Variants in OPN3 observed in about 807,000 individuals in gnomAD.
The protein encoded by OPN3 is opsin 3.
Under a neutral mutation model 33.8 loss-of-function variants are expected in OPN3, and 29 were observed. The ratio of observed to expected loss-of-function variants is 0.86; its 90% confidence interval spans 0.64 to 1.17. OPN3 has a LOEUF of 1.17. Ranked by LOEUF, OPN3 falls within the 50% of genes most tolerant of loss-of-function variation. The pLI, the probability that OPN3 is intolerant of heterozygous loss-of-function variation, is 0.00. For synonymous variants in OPN3, 216 were observed against 216.1 expected (o/e 1.00, Z 0.00); for missense variants, 437 against 514.1 (o/e 0.85, Z 1.45).
At chr1:241,607,595 A>C (rs1663870126) in intron 1 of OPN3, among the ~76,000 whole-genome samples, 1 of 149,326 alleles carries the variant, frequency 6.7e-6, no homozygotes, top group Non-Finnish European at 1.5e-5. Context: ...AAAGAAAGGA[A>C]GAAAGAGAGA....
Position 241,634,283 on chromosome 1 carries a change from C to G in OPN3, c.373+5599G>C, listed in dbSNP as rs748735293. 4.0e-5 allele frequency: 64 copies of G among 1,613,766 alleles called. No homozygotes were observed. The highest frequency in any genetic ancestry group is 5.3e-5 in the Non-Finnish European group (63 of 1,179,906). Reference sequence around the variant, plus strand: ...CTTCATGCATGTCATGGTTGAAGAACATAATTCTGTGACCCGTACAGCACA... The same window carrying G: ...CTTCATGCATGTCATGGTTGAAGAAGATAATTCTGTGACCCGTACAGCACA... On this transcript the variant is annotated intron_variant, in intron 1 of 3. Transcript: ENST00000366554.
chr1:241,606,248 A>G (rs891338118), intron 1 of OPN3, among the ~76,000 whole-genome samples: 5 of 152,314 alleles, frequency 3.3e-5, no homozygotes, highest in Middle Eastern at 3.4e-3. Context: ...GTTAAAAGTA[A>G]CTTTGAGGTT....
intron 1 of OPN3, among the ~76,000 whole-genome samples, chr1:241,610,670 A>T (rs976186414): frequency 1.3e-5 from 2 of 152,254 alleles, no homozygotes; most frequent in African/African-American, 4.8e-5. Flanking sequence ...AGAAAAAAAG[A>T]TGAATTATAA....
intron 1 of OPN3, chr1:241,635,852 T>A: frequency 7.4e-7 from 1 of 1,352,250 alleles, no homozygotes; most frequent in East Asian, 2.3e-5. Context: ...CCTTCTGATG[T>A]TCCAGTTATC....
intron 1 of OPN3, among the ~76,000 whole-genome samples, chr1:241,607,828 AATAGCAAAT>A (rs1398569871): frequency 6.6e-6 from 1 of 152,150 alleles, no homozygotes; most frequent in Non-Finnish European, 1.5e-5. Context: ...GTAATGATAT[AATAGCAAAT>A]ATAGCAAATA....
At chr1:241,618,660 A>C (rs1573959938) in intron 1 of OPN3, among the ~76,000 whole-genome samples, 1 of 151,800 alleles carries the variant, frequency 6.6e-6, no homozygotes, top group Non-Finnish European at 1.5e-5. Context: ...GTCCGTGCTG[A>C]CCTCCATCGT....
rs568285810 is a variant in OPN3, at chr1:241,603,596, A to G, written c.693+664T>C. Among the ~76,000 whole-genome samples, 17 of 152,332 alleles carry G rather than the reference A, an allele frequency of 1.1e-4. No homozygotes were observed. In the South Asian group the frequency reaches 3.5e-3, roughly 32 times the overall value. ...TATGTAAAGAATGTAGAAACAAATG[A>G]TTTAAAGTGATGCATGTAGCTAAGT... On this transcript the variant is annotated intron_variant, in intron 2 of 3. Transcript: ENST00000366554.
chr1:241,605,052 T>C (rs1010614891), intron 1 of OPN3, among the ~76,000 whole-genome samples: 6 of 75,902 alleles, frequency 7.9e-5, no homozygotes, highest in African/African-American at 3.8e-4. Flanking sequence ...CCAGACCTTA[T>C]CTCAAAAAAA....
intron 1 of OPN3, among the ~76,000 whole-genome samples, chr1:241,605,966 C>G (rs182476241): frequency 6.6e-6 from 1 of 152,262 alleles, no homozygotes; most frequent in African/African-American, 2.4e-5. Flanking sequence ...ACTCTCTTGT[C>G]CTTTTACATC....
intron 1 of OPN3, chr1:241,631,802 G>A (rs990577336): frequency 5.9e-5 from 9 of 152,118 alleles, no homozygotes; most frequent in Admixed American, 4.6e-4. Context: ...TGCAGGACCA[G>A]TGTGTGCTTT....
intron 1 of OPN3, chr1:241,635,786 T>G: frequency 1.3e-6 from 2 of 1,592,130 alleles, no homozygotes; most frequent in Non-Finnish European, 1.7e-6. Flanking sequence ...TAACAGCGTC[T>G]GGTGACAACT....
rs1665055403 is a variant in OPN3, at chr1:241,640,000, G to A, written c.255C>T (p.Leu85=). 6.2e-7 allele frequency: 1 copy of A among 1,613,288 alleles called. No individual in the cohort carries two copies. The change falls in exon 1 of 4, where the codon CTC becomes CTT. Residue 85 remains leucine (L), a synonymous_variant. Transcript: ENST00000366554. ...CGAAGAGGGACACCAGCAGGTCGCT[G>A]AGGCTGATGTTGACCAGGAGGAGGT... is the stretch of plus-strand genomic sequence containing the variant. ...PTHLLLVNIS[L]SDLLVSLFGV...
chr1:241,616,124 G>A (rs1357140334), intron 1 of OPN3, among the ~76,000 whole-genome samples: 2 of 152,124 alleles, frequency 1.3e-5, no homozygotes, highest in African/African-American at 2.4e-5. Flanking sequence ...TGGCCAACTC[G>A]GTGGTGCATC....
rs1226092952 is a variant in OPN3, at chr1:241,604,597, G to A, written c.374-18C>T. The stretch of plus-strand genomic sequence containing the variant: ...AACAATCCCTGCAAGAAGAGAAAGT[G>A]GAAAAGTATAGCATGGTGCAGGGGG... On this transcript the variant is annotated intron_variant, in intron 1 of 3. Coordinates refer to ENST00000366554, the MANE Select transcript of OPN3 (RefSeq NM_014322.3). The A allele has an allele frequency of 1.2e-6, 2 of 1,600,436 alleles. No homozygotes were observed. The highest frequency in any genetic ancestry group is 2.2e-5 in the South Asian group (2 of 89,336).
intron 1 of OPN3, chr1:241,614,128 A>C (rs1425147167): frequency 3.3e-5 from 5 of 152,206 alleles, no homozygotes; most frequent in Non-Finnish European, 5.9e-5. Context: ...AGATCATGCC[A>C]ATGCACTCCA....
chr1:241,627,000 T>C (rs892928823), intron 1 of OPN3, among the ~76,000 whole-genome samples: 1 of 152,152 alleles, frequency 6.6e-6, no homozygotes, highest in Non-Finnish European at 1.5e-5. Context: ...AATCCAGTCA[T>C]TCCTCTGATG....
chr1:241,621,039 C>G (rs543864723), intron 1 of OPN3, among the ~76,000 whole-genome samples: 1 of 152,086 alleles, frequency 6.6e-6, no homozygotes, highest in Admixed American at 6.5e-5. Flanking sequence ...ACCTTAAATC[C>G]CTGTTGGTGA....
intron 1 of OPN3, among the ~76,000 whole-genome samples, chr1:241,628,332 T>C (rs949492983): frequency 6.6e-6 from 1 of 152,186 alleles, no homozygotes; most frequent in African/African-American, 2.4e-5. Context: ...CTTATTTTTG[T>C]ATCTCTAATT....
intron 1 of OPN3, among the ~76,000 whole-genome samples, chr1:241,639,681 G>A (rs1255775955): frequency 6.7e-6 from 1 of 150,236 alleles, no homozygotes; most frequent in Admixed American, 6.7e-5. Context: ...GGGGACGGAG[G>A]AAGAGGAAGG....
Sources: gnomAD v4.1 joint callset for allele counts (sites outside exome capture counted in the v4.1 genomes callset) on GRCh38, gnomAD v4.1.1 for gene constraint, MANE v1.5 for transcripts, NCBI Gene and HGNC (gene_info 2026-07-23, HGNC 2026-07-21) for gene names.